EPHA6: variants seen among roughly 807,000 people sequenced by gnomAD.
EPHA6 encodes EPH receptor A6, also known as ephrin type-A receptor 6.
Under a neutral mutation model 112.0 loss-of-function variants are expected in EPHA6, and 50 were observed. The ratio of observed to expected loss-of-function variants is 0.45; its 90% CI spans 0.36 to 0.56. The LOEUF is 0.56. Among genes scored for constraint, EPHA6 ranks in the 20% least tolerant of loss-of-function variants. The probability of loss-of-function intolerance (pLI) is 0.00; values close to 1 mark genes in which losing one functional copy is unlikely to be tolerated. For missense variants in EPHA6, 1,280 were observed against 1,417.4 expected (o/e 0.90, Z 1.56); for synonymous variants, 529 against 490.7 (o/e 1.08, Z -1.03).
At chr3:97,569,525 GCAAAA>G (rs990912549) in intron 11 of EPHA6, among the ~76,000 whole-genome samples, 2 of 152,060 alleles carry the variant, frequency 1.3e-5, no homozygotes, top group Non-Finnish European at 2.9e-5. Flanking sequence ...TTACTTCTCT[GCAAAA>G]CTCAGGATAT....
chr3:97,594,901 T>C (rs1462002517), intron 12 of EPHA6, among the ~76,000 whole-genome samples: 2 of 152,166 alleles, frequency 1.3e-5, no homozygotes, highest in African/African-American at 2.4e-5. Flanking sequence ...TGATTATCGG[T>C]CACAGTATTT....
chr3:97,110,948 T>C (rs1469314761), intron 3 of EPHA6, among the ~76,000 whole-genome samples: 1 of 152,162 alleles, frequency 6.6e-6, no homozygotes, highest in Non-Finnish European at 1.5e-5. Context: ...AAATATGTGA[T>C]TATTACCTAT....
intron 1 of EPHA6, among the ~76,000 whole-genome samples, chr3:96,818,015 TTAAG>T (rs1310737327): frequency 2.6e-5 from 4 of 151,968 alleles, no homozygotes; most frequent in African/African-American, 7.2e-5. Flanking sequence ...CTTCATCTGA[TTAAG>T]TAAGTGGAAA....
intron 7 of EPHA6, among the ~76,000 whole-genome samples, chr3:97,465,279 AT>A (rs1430535304): frequency 1.3e-5 from 2 of 152,076 alleles, no homozygotes; most frequent in African/African-American, 4.8e-5. Flanking sequence ...GAAAAAATCA[AT>A]ATGCATAAGT....
chr3:96,903,613 CATA>C (rs1359575454), intron 2 of EPHA6, among the ~76,000 whole-genome samples: 4 of 152,118 alleles, frequency 2.6e-5, no homozygotes, highest in Middle Eastern at 3.4e-3. Flanking sequence ...ATCATAACTT[CATA>C]ATATTTTAAT....
intron 5 of EPHA6, among the ~76,000 whole-genome samples, chr3:97,302,410 G>T (rs1263132383): frequency 6.6e-6 from 1 of 150,918 alleles, no homozygotes; most frequent in Non-Finnish European, 1.5e-5. Context: ...TGTCCATAGA[G>T]ATTTTCCTAA....
At chr3:97,136,010 A>T (rs754079045) in intron 3 of EPHA6, among the ~76,000 whole-genome samples, 9 of 152,186 alleles carry the variant, frequency 5.9e-5, no homozygotes, top group Admixed American at 3.9e-4. Context: ...AAGGTATTGG[A>T]TCTAAACCTG....
intron 5 of EPHA6, among the ~76,000 whole-genome samples, chr3:97,356,037 C>T (rs929866162): frequency 1.3e-5 from 2 of 152,290 alleles, no homozygotes; most frequent in Non-Finnish European, 2.9e-5. Flanking sequence ...AGCAGTTGAG[C>T]GAGCAAAGCT....
chr3:97,697,846 A>C (rs1345507596), intron 14 of EPHA6, among the ~76,000 whole-genome samples: 1 of 152,112 alleles, frequency 6.6e-6, no homozygotes. Flanking sequence ...AAACTTCCCA[A>C]GTTGACTCCC....
intron 1 of EPHA6, among the ~76,000 whole-genome samples, chr3:96,861,766 G>T (rs1164175239): frequency 6.6e-6 from 1 of 151,912 alleles, no homozygotes; most frequent in Non-Finnish European, 1.5e-5. Flanking sequence ...AATGCTGTAA[G>T]TACACCTACT....
At chr3:97,368,468 G>A (rs956286794) in intron 5 of EPHA6, among the ~76,000 whole-genome samples, 7 of 151,984 alleles carry the variant, frequency 4.6e-5, no homozygotes, top group Non-Finnish European at 7.4e-5. Flanking sequence ...GAACCATATT[G>A]CATAACTATT....
intron 14 of EPHA6, among the ~76,000 whole-genome samples, chr3:97,693,600 G>T (rs2032817671): frequency 6.6e-6 from 1 of 152,162 alleles, no homozygotes; most frequent in African/African-American, 2.4e-5. Context: ...GAGGTTGGGA[G>T]ATCGAGACCA....
intron 3 of EPHA6, among the ~76,000 whole-genome samples, chr3:97,011,417 T>C (rs1305622377): frequency 1.3e-5 from 2 of 152,170 alleles, no homozygotes; most frequent in Non-Finnish European, 2.9e-5. Flanking sequence ...TGTTGTAAGA[T>C]TAGCCTTTGG....
intron 2 of EPHA6, among the ~76,000 whole-genome samples, chr3:96,947,902 A>G (rs1021228578): frequency 2.6e-5 from 4 of 152,160 alleles, no homozygotes; most frequent in African/African-American, 9.7e-5. Context: ...AAACTACTTT[A>G]AAGTTCATAT....
At chr3:97,543,587 T>A (rs558503383) in intron 11 of EPHA6, among the ~76,000 whole-genome samples, 23 of 152,342 alleles carry the variant, frequency 1.5e-4, no homozygotes, top group Middle Eastern at 3.4e-3. Context: ...GGCTCTTTTT[T>A]GGTTCCATAT....
chr3:97,682,690 G>A (rs1576279302), intron 14 of EPHA6, among the ~76,000 whole-genome samples: 1 of 152,230 alleles, frequency 6.6e-6, no homozygotes, highest in African/African-American at 2.4e-5. Context: ...TTCCAGCAGT[G>A]TGAACACTAA....
At chr3:97,735,617 GGGTTTTGAGAT>G (rs1047917799) in intron 15 of EPHA6, among the ~76,000 whole-genome samples, 3 of 151,906 alleles carry the variant, frequency 2.0e-5, no homozygotes, top group African/African-American at 7.3e-5. Context: ...ATGTTTATTT[GGGTTTTGAGAT>G]GTTCCAGCTA....
Position 97,096,275 on chromosome 3 carries a change from C to A in EPHA6, c.1114+108282C>A, listed in dbSNP as rs1054979920. Among the ~76,000 whole-genome samples the A allele has an allele frequency of 3.0e-3, 449 of 147,790 alleles. 1 individual carries two copies. Among genetic ancestry groups the A allele is most frequent in the African/African-American group, 1.0e-2 (406 of 40,660 alleles). ...CACACACATACACACACATACACAC[C>A]CACACACACACACACACATATATAT... On this transcript the variant is annotated intron_variant, in intron 3 of 17. Transcript: ENST00000389672.
chr3:97,637,856 T>C lies in EPHA6; in HGVS notation c.2575-17T>C, dbSNP rs1292665927. ...CATTAAAATAAATCAATTTACACAA[T>C]TGTGATTCTCTTGCAGAAGCATGAT... On this transcript the variant is annotated splice_polypyrimidine_tract_variant and intron_variant, in intron 13 of 17. Coordinates refer to ENST00000389672, the MANE Select transcript of EPHA6 (RefSeq NM_001080448.3). 1 of 1,600,240 alleles carries C rather than the reference T, an allele frequency of 6.2e-7. No individual in the cohort carries two copies. Among genetic ancestry groups the C allele is most frequent in the Non-Finnish European group, 8.6e-7 (1 of 1,167,554 alleles).
Sources: allele counts gnomAD v4.1 joint callset (sites outside exome capture counted in the v4.1 genomes callset), GRCh38; gene constraint gnomAD v4.1.1; transcripts MANE v1.5; gene names NCBI Gene and HGNC (gene_info 2026-07-23, HGNC 2026-07-21).